The following NKAIN3 variants were observed in gnomAD, a reference collection of about 807,000 sequenced individuals.
The protein encoded by NKAIN3 is sodium/potassium transporting ATPase interacting 3.
A neutral mutation model predicts 30.2 loss-of-function variants in NKAIN3; 25 were observed. That is an observed-to-expected ratio of 0.83 (90% CI 0.60 to 1.16). NKAIN3 has a LOEUF of 1.16. Among genes scored for constraint, NKAIN3 ranks in the 50% most tolerant of loss-of-function variants. NKAIN3 has a pLI of 0.00. For synonymous variants in NKAIN3, 91 were observed against 89.6 expected (o/e 1.02, Z -0.09); for missense variants, 225 against 254.1 (o/e 0.89, Z 0.78).
intron 1 of NKAIN3, among the ~76,000 whole-genome samples, chr8:62,490,660 A>G (rs1304585630): frequency 6.6e-6 from 1 of 152,148 alleles, no homozygotes; most frequent in African/African-American, 2.4e-5. Context: ...ATGAATGTTT[A>G]TGTGTGTCTC....
chr8:62,714,957 TA>T (rs1208773614), intron 3 of NKAIN3, among the ~76,000 whole-genome samples: 1 of 152,186 alleles, frequency 6.6e-6, no homozygotes, highest in Non-Finnish European at 1.5e-5. Context: ...GTGTAATTTT[TA>T]AAGAAAAGAG....
At chr8:62,593,844 G>A (rs1810734177) in intron 3 of NKAIN3, among the ~76,000 whole-genome samples, 2 of 151,982 alleles carry the variant, frequency 1.3e-5, no homozygotes, top group Admixed American at 6.6e-5. Context: ...AGAACAAAAG[G>A]CAATAGTTAA....
chr8:62,483,390 T>A (rs1806789563), intron 1 of NKAIN3: 2 of 212,888 alleles, frequency 9.4e-6, no homozygotes, highest in Admixed American at 8.9e-5. Context: ...GCTTTCCCCA[T>A]GTTTCCTTGT....
At chr8:62,878,495 TCTGTTGTTGTG>T (rs1820867555) in intron 4 of NKAIN3, among the ~76,000 whole-genome samples, 1 of 152,010 alleles carries the variant, frequency 6.6e-6, no homozygotes, top group South Asian at 2.1e-4. Context: ...GTTGTTGTGT[TCTGTTGTTGTG>T]TTTTTATTAT....
At chr8:62,492,990 A>G (rs562365053) in intron 1 of NKAIN3, among the ~76,000 whole-genome samples, 184 of 152,138 alleles carry the variant, frequency 1.2e-3, no homozygotes, top group African/African-American at 4.1e-3. Context: ...CCATTCTGCA[A>G]GTTGTCTGTG....
At chr8:62,325,296 A>G (rs1033174821) in intron 1 of NKAIN3, among the ~76,000 whole-genome samples, 2 of 152,108 alleles carry the variant, frequency 1.3e-5, no homozygotes, top group Non-Finnish European at 1.5e-5. Context: ...CCACATTGCT[A>G]CAAGAGACAT....
intron 4 of NKAIN3, among the ~76,000 whole-genome samples, chr8:62,814,846 T>C (rs1442981661): frequency 6.6e-6 from 1 of 151,740 alleles, no homozygotes; most frequent in African/African-American, 2.4e-5. Context: ...GCAAACACAT[T>C]CAAAAGCTCG....
chr8:62,452,368 C>T (rs1049649030), intron 1 of NKAIN3, among the ~76,000 whole-genome samples: 5 of 152,038 alleles, frequency 3.3e-5, no homozygotes, highest in African/African-American at 1.2e-4. Context: ...CCCAGCTACT[C>T]AGGAGGCTGA....
At chr8:62,269,674 G>A (rs1812719398) in intron 1 of NKAIN3, among the ~76,000 whole-genome samples, 1 of 152,080 alleles carries the variant, frequency 6.6e-6, no homozygotes, top group Non-Finnish European at 1.5e-5. Context: ...ATTAAACTAT[G>A]TGGATCCACC....
intron 1 of NKAIN3, among the ~76,000 whole-genome samples, chr8:62,441,096 A>G (rs1485240387): frequency 1.3e-5 from 2 of 152,010 alleles, no homozygotes; most frequent in East Asian, 3.9e-4. Context: ...CTTGCTTTTC[A>G]TGACATCTAT....
intron 1 of NKAIN3, among the ~76,000 whole-genome samples, chr8:62,462,659 A>G (rs1783800210): frequency 6.6e-6 from 1 of 152,112 alleles, no homozygotes; most frequent in African/African-American, 2.4e-5. Flanking sequence ...CCATGAGGCA[A>G]CTTGGACTAG....
chr8:62,849,916 T>C lies in NKAIN3; in HGVS notation c.472-68537T>C, dbSNP rs560242254. Reference sequence around the variant, plus strand: ...TGTGAATAGTGCTGCAGTAAACATATGTGTGCATGTGTCTTTATAGCAGCA... The same window carrying C: ...TGTGAATAGTGCTGCAGTAAACATACGTGTGCATGTGTCTTTATAGCAGCA... On this transcript the variant is annotated intron_variant, in intron 4 of 6. Transcript: ENST00000623646. Among the ~76,000 whole-genome samples, 141 of 152,130 alleles carry C rather than the reference T, an allele frequency of 9.3e-4. 1 individual carries two copies. The highest frequency in any genetic ancestry group is 3.3e-3 in the African/African-American group (136 of 41,544).
chr8:62,877,469 C>T (rs1410775546), intron 4 of NKAIN3, among the ~76,000 whole-genome samples: 1 of 152,180 alleles, frequency 6.6e-6, no homozygotes, highest in Admixed American at 6.5e-5. Flanking sequence ...GATGGCAGAG[C>T]ACTAGCTGAT....
rs930897880 is a variant in NKAIN3 at position 62,967,056 on chromosome 8, G to A, written c.*1649G>A. Among the ~76,000 whole-genome samples, 15 of 152,008 alleles carry A rather than the reference G, an allele frequency of 9.9e-5. No individual in the cohort carries two copies. Among genetic ancestry groups the A allele is most frequent in the Admixed American group, 9.2e-4 (14 of 15,256 alleles). ...CAGATTTTACCCCTTTAATCCATTGGTACCCACAAACTCCCATTACTTTTT... is the reference window on the plus strand; with the variant it reads ...CAGATTTTACCCCTTTAATCCATTGATACCCACAAACTCCCATTACTTTTT... On this transcript the variant is annotated 3_prime_UTR_variant, in exon 7 of 7. Coordinates refer to ENST00000623646, the MANE Select transcript of NKAIN3 (RefSeq NM_001304533.3).
intron 1 of NKAIN3, among the ~76,000 whole-genome samples, chr8:62,436,876 G>A (rs1194638747): frequency 6.6e-6 from 1 of 152,042 alleles, no homozygotes; most frequent in African/African-American, 2.4e-5. Context: ...TCCATACAAA[G>A]TGAAAAACTG....
chr8:62,927,461 A>T (rs1053055319), intron 5 of NKAIN3, among the ~76,000 whole-genome samples: 1 of 152,204 alleles, frequency 6.6e-6, no homozygotes, highest in African/African-American at 2.4e-5. Flanking sequence ...GCACTTTGGG[A>T]AATAGCTAGA....
chr8:62,547,110 A>G (rs1308274288), intron 1 of NKAIN3, among the ~76,000 whole-genome samples: 2 of 152,174 alleles, frequency 1.3e-5, no homozygotes, highest in Non-Finnish European at 2.9e-5. Flanking sequence ...ATGAGTTACA[A>G]CTGTGCCCAA....
At chr8:62,491,918 G>C (rs1380990420) in intron 1 of NKAIN3, among the ~76,000 whole-genome samples, 2 of 152,048 alleles carry the variant, frequency 1.3e-5, no homozygotes, top group Admixed American at 6.6e-5. Flanking sequence ...AAATGTGACT[G>C]TTTTAAAGAG....
intron 4 of NKAIN3, among the ~76,000 whole-genome samples, chr8:62,864,634 GA>G (rs1293821867): frequency 6.6e-6 from 1 of 152,162 alleles, no homozygotes; most frequent in Non-Finnish European, 1.5e-5. Context: ...TGGATCCTTA[GA>G]ACCTGTGGCC....
Sources: gnomAD v4.1 joint callset for allele counts (sites outside exome capture counted in the v4.1 genomes callset) on GRCh38, gnomAD v4.1.1 for gene constraint, MANE v1.5 for transcripts, NCBI Gene and HGNC (gene_info 2026-07-23, HGNC 2026-07-21) for gene names.